PDE4D: variants seen among roughly 807,000 people sequenced by gnomAD.
PDE4D encodes the protein phosphodiesterase 4D.
Under a neutral mutation model 87.4 loss-of-function variants are expected in PDE4D, and 24 were observed. The ratio of observed to expected loss-of-function variants is 0.27; its 90% CI spans 0.20 to 0.39. The LOEUF is 0.39. Ranked by LOEUF, PDE4D falls within the 10% of genes least tolerant of loss-of-function variation. The pLI, the probability that PDE4D is intolerant of heterozygous loss-of-function variation, is 1.00. For missense variants in PDE4D, 714 were observed against 1,041.0 expected, an observed-to-expected ratio of 0.69 and a Z score of 4.32; for synonymous variants, 384 against 383.2, an observed-to-expected ratio of 1.00 and a Z score of -0.02.
intron 1 of PDE4D, among the ~76,000 whole-genome samples, chr5:59,791,678 T>G (rs1765808717): frequency 6.6e-6 from 1 of 152,182 alleles, no homozygotes; most frequent in African/African-American, 2.4e-5. Context: ...CTGTAAGGGT[T>G]AAAAATAAAT....
At chr5:59,472,534 A>T (rs2153652439) in intron 1 of PDE4D, among the ~76,000 whole-genome samples, 1 of 152,330 alleles carries the variant, frequency 6.6e-6, no homozygotes, top group Non-Finnish European at 1.5e-5. Context: ...TATCCATGTC[A>T]TTCATCTCCT....
intron 1 of PDE4D, among the ~76,000 whole-genome samples, chr5:59,423,629 C>G (rs1794784080): frequency 6.6e-6 from 1 of 152,024 alleles, no homozygotes; most frequent in Non-Finnish European, 1.5e-5. Context: ...GAAAGGTCTT[C>G]TAGGAAAGAT....
chr5:58,999,500 C>T (rs1214799840), intron 6 of PDE4D: 1 of 1,529,898 alleles, frequency 6.5e-7, no homozygotes, highest in East Asian at 2.3e-5. Flanking sequence ...TTTATGTAGC[C>T]CCAAGACACT....
chr5:59,833,208 G>A (rs748514756), intron 1 of PDE4D, among the ~76,000 whole-genome samples: 5 of 151,994 alleles, frequency 3.3e-5, no homozygotes, highest in African/African-American at 4.8e-5. Flanking sequence ...ACGTGGCTCC[G>A]GTGATGAATG....
intron 5 of PDE4D, among the ~76,000 whole-genome samples, chr5:59,060,320 G>C (rs1762945575): frequency 6.6e-6 from 1 of 151,880 alleles, no homozygotes; most frequent in African/African-American, 2.4e-5. Context: ...TTTACATGAA[G>C]GAGAAATATC....
At chr5:59,875,511 T>C (rs1748459121) in intron 1 of PDE4D, among the ~76,000 whole-genome samples, 1 of 143,474 alleles carries the variant, frequency 7.0e-6, no homozygotes. Context: ...GTATCCTGCT[T>C]GAAAAAGGAC....
intron 2 of PDE4D, among the ~76,000 whole-genome samples, chr5:60,056,324 C>G (rs1770772347): frequency 6.6e-6 from 1 of 152,132 alleles, no homozygotes; most frequent in Admixed American, 6.6e-5. Context: ...AGGCACCAAC[C>G]CCCAAACAAG....
intron 5 of PDE4D, among the ~76,000 whole-genome samples, chr5:59,165,279 C>CT (rs980339230): frequency 1.1e-4 from 17 of 151,696 alleles, no homozygotes; most frequent in Admixed American, 2.6e-4. Context: ...TCATAAATAT[C>CT]TTTTTTTTTC....
At chr5:59,393,656 T>A (rs986971536) in intron 1 of PDE4D, among the ~76,000 whole-genome samples, 2 of 152,202 alleles carry the variant, frequency 1.3e-5, no homozygotes, top group African/African-American at 4.8e-5. Flanking sequence ...CCAAACAATA[T>A]ACTTTGTGAA....
At chr5:59,809,101 C>T (rs549070219) in intron 1 of PDE4D, among the ~76,000 whole-genome samples, 28 of 152,252 alleles carry the variant, frequency 1.8e-4, no homozygotes, top group African/African-American at 5.8e-4. Context: ...AAGAGTTGTG[C>T]TTTAAATTTA....
chr5:60,314,490 T>A (rs970227562), intron 1 of PDE4D, among the ~76,000 whole-genome samples: 5 of 152,086 alleles, frequency 3.3e-5, no homozygotes, highest in East Asian at 1.9e-4. Context: ...TATTTTATTT[T>A]TTATTATTAT....
At chr5:59,336,503 T>G (rs1374071019) in intron 1 of PDE4D, among the ~76,000 whole-genome samples, 2 of 152,224 alleles carry the variant, frequency 1.3e-5, no homozygotes, top group Non-Finnish European at 2.9e-5. Flanking sequence ...CAGGTGTAAT[T>G]AATAAAAGTT....
intron 1 of PDE4D, among the ~76,000 whole-genome samples, chr5:60,451,202 G>A (rs1239856793): frequency 6.6e-6 from 1 of 151,924 alleles, no homozygotes; most frequent in Non-Finnish European, 1.5e-5. Flanking sequence ...AATTACATAA[G>A]GAATATATTT....
chr5:59,826,356 C>T (rs567845383), intron 1 of PDE4D, among the ~76,000 whole-genome samples: 23 of 152,220 alleles, frequency 1.5e-4, no homozygotes, highest in East Asian at 1.4e-3. Context: ...GTAGAAGCTA[C>T]GGAAAGATTA....
chr5:59,670,768 T>C (rs1233247677), intron 1 of PDE4D, among the ~76,000 whole-genome samples: 1 of 152,192 alleles, frequency 6.6e-6, no homozygotes, highest in Non-Finnish European at 1.5e-5. Context: ...GTATGAGTAT[T>C]AATATTTTGG....
At chr5:60,371,598 G>A (rs1245131797) in intron 1 of PDE4D, among the ~76,000 whole-genome samples, 1 of 152,128 alleles carries the variant, frequency 6.6e-6, no homozygotes, top group East Asian at 1.9e-4. Context: ...TTTTCACAAA[G>A]TGAACACAGT....
intron 2 of PDE4D, among the ~76,000 whole-genome samples, chr5:60,119,082 C>G (rs1778427266): frequency 6.6e-6 from 1 of 152,094 alleles, no homozygotes; most frequent in South Asian, 2.1e-4. Flanking sequence ...TTATTACTAC[C>G]AACAGCAAGA....
chr5:59,674,591 C>T (rs1046375947), intron 1 of PDE4D, among the ~76,000 whole-genome samples: 2 of 152,206 alleles, frequency 1.3e-5, no homozygotes, highest in Admixed American at 1.3e-4. Flanking sequence ...GATATTCACA[C>T]TGCCACCTCC....
chr5:59,152,700 C>T (rs1046926127), intron 5 of PDE4D, among the ~76,000 whole-genome samples: 2 of 151,608 alleles, frequency 1.3e-5, no homozygotes, highest in African/African-American at 4.8e-5. Flanking sequence ...TGTGTTAACC[C>T]AACTGTAGGC....
Sources: allele counts gnomAD v4.1 joint callset (sites outside exome capture counted in the v4.1 genomes callset), GRCh38; gene constraint gnomAD v4.1.1; transcripts MANE v1.5; gene names NCBI Gene and HGNC (gene_info 2026-07-23, HGNC 2026-07-21).